The following HMCN1 variants were observed in gnomAD, a reference collection of about 807,000 sequenced individuals.
HMCN1 encodes hemicentin 1, also known as hemicentin-1.
A neutral mutation model predicts 625.9 loss-of-function variants in HMCN1; 321 were observed. The observed-to-expected ratio is 0.51, with a 90% CI of 0.47 to 0.56. The LOEUF (loss-of-function observed/expected upper bound fraction) is 0.56. Among genes scored for constraint, HMCN1 ranks in the 20% least tolerant of loss-of-function variants. The pLI, the probability that HMCN1 is intolerant of heterozygous loss-of-function variation, is 0.00. For synonymous variants in HMCN1, 2,425 were observed against 2,417.6 expected (o/e 1.00, Z -0.09); for missense variants, 6,588 against 6,887.3 (o/e 0.96, Z 1.54).
chr1:185,734,683 T>G lies in HMCN1; in HGVS notation c.-97T>G. On this transcript the variant is annotated 5_prime_UTR_variant, in exon 1 of 107. It removes an upstream start codon present in the reference 5' UTR. Coordinates refer to ENST00000271588, the MANE Select transcript of HMCN1 (RefSeq NM_031935.3). ...TAGTTCAGAGATTCCAAGAGTCTGA[T>G]GAGTTACTCTGAGAGGAAACCCTCT... The G allele has an allele frequency of 2.5e-6, 3 of 1,207,354 alleles. No homozygotes were observed. Among genetic ancestry groups the G allele is most frequent in the Non-Finnish European group, 3.7e-6 (3 of 819,580 alleles). The allele number at this position is 1,207,354 out of a possible 1,614,324, so 74.8% of individuals were successfully genotyped here.
chr1:185,890,466 C>G (rs1336841935), intron 4 of HMCN1, among the ~76,000 whole-genome samples: 5 of 145,602 alleles, frequency 3.4e-5, no homozygotes, highest in Non-Finnish European at 5.9e-5. Context: ...AAATTTCCCT[C>G]TACACACTGC....
intron 68 of HMCN1, among the ~76,000 whole-genome samples, chr1:186,101,112 CT>C (rs1660363787): frequency 6.6e-6 from 1 of 151,764 alleles, no homozygotes; most frequent in African/African-American, 2.4e-5. Context: ...AAATTTGAGT[CT>C]GTTAATCAGA....
chr1:186,005,700 G>A (rs183034695), intron 29 of HMCN1, among the ~76,000 whole-genome samples: 133 of 152,000 alleles, frequency 8.8e-4, no homozygotes, highest in African/African-American at 3.1e-3. Flanking sequence ...CTCACATTAG[G>A]GGCCACAGAC....
At chr1:185,899,396 A>G (rs936290822) in intron 4 of HMCN1, among the ~76,000 whole-genome samples, 2 of 152,182 alleles carry the variant, frequency 1.3e-5, no homozygotes, top group Admixed American at 6.6e-5. Context: ...AAAAAATGCC[A>G]TAGACTCTTG....
intron 54 of HMCN1, among the ~76,000 whole-genome samples, chr1:186,077,000 CATAA>C (rs778128551): frequency 2.0e-5 from 3 of 152,026 alleles, no homozygotes; most frequent in Non-Finnish European, 2.9e-5. Flanking sequence ...ATGCACTTAT[CATAA>C]ATAAATAGGG....
intron 4 of HMCN1, among the ~76,000 whole-genome samples, chr1:185,902,991 C>G (rs1284991320): frequency 6.7e-6 from 1 of 148,920 alleles, no homozygotes; most frequent in African/African-American, 2.5e-5. Context: ...CCCAAGCAAA[C>G]AAAAAAAAGA....
At position 185,868,280 on chromosome 1, in the gene HMCN1, T is replaced by C. The variant is rs1207671594; in HGVS notation, c.621+2417T>C. ...TGCCTTAAATGGAGAAACTAAGCCC[T>C]ATAGAGAAACTATAAGCCCTAGAGC... On this transcript the variant is annotated intron_variant, in intron 4 of 106. Transcript: ENST00000271588. 2.6e-5 allele frequency among the ~76,000 whole-genome samples: 4 copies of C among 152,142 alleles called. No individual in the cohort carries two copies. In the East Asian group the frequency reaches 7.7e-4, roughly 29 times the overall value.
chr1:185,809,632 C>A (rs545620481), intron 1 of HMCN1, among the ~76,000 whole-genome samples: 31 of 151,848 alleles, frequency 2.0e-4, no homozygotes, highest in African/African-American at 7.5e-4. Context: ...CAGTGGCACT[C>A]CTGGAAATAA....
intron 1 of HMCN1, among the ~76,000 whole-genome samples, chr1:185,836,726 A>C (rs2102300307): frequency 1.3e-5 from 2 of 152,100 alleles, no homozygotes; most frequent in Admixed American, 6.5e-5. Context: ...TTATTTCATC[A>C]CCCGGGTGAT....
chr1:185,734,541 A>C lies in HMCN1; in HGVS notation c.-239A>C. On this transcript the variant is annotated 5_prime_UTR_variant, in exon 1 of 107. Coordinates refer to ENST00000271588, the MANE Select transcript of HMCN1 (RefSeq NM_031935.3). The stretch of plus-strand genomic sequence containing the variant: ...TGTCCAGGGCCCGCGGGCAGATAGC[A>C]GTCCAGGAGGAAGCCGCATCCAGAC... 1.9e-6 allele frequency: 1 copy of C among 522,988 alleles called. No homozygotes were observed. The highest frequency in any genetic ancestry group is 3.4e-6 in the Non-Finnish European group (1 of 291,726). 32.4% of individuals were successfully genotyped at this position (522,988 alleles called of 1,614,324 possible). A position where few individuals can be genotyped will look rare whatever the true frequency, so the allele number is the denominator to read the frequency against.
intron 103 of HMCN1, chr1:186,177,170 G>A (rs1262959323): frequency 6.6e-6 from 1 of 152,388 alleles, no homozygotes; most frequent in East Asian, 1.9e-4. Context: ...GCTGGGCGTG[G>A]TGGCACACAC....
At chr1:186,163,793 G>T (rs1413763238) in intron 97 of HMCN1, among the ~76,000 whole-genome samples, 2 of 152,102 alleles carry the variant, frequency 1.3e-5, no homozygotes, top group Admixed American at 1.3e-4. Flanking sequence ...TGGCAATATT[G>T]TAAAACCTGC....
At position 186,130,018 on chromosome 1, in the gene HMCN1, A is replaced by G. The variant is rs1386052879; in HGVS notation, c.12957A>G (p.Ser4319=). The change falls in exon 84 of 107, where the codon TCA becomes TCG. Residue 4319 remains serine (S), a synonymous_variant. Coordinates refer to ENST00000271588, the MANE Select transcript of HMCN1 (RefSeq NM_031935.3). ...GTGAACTTGTTATTGAAAGAGTGTC[A>G]AAAGAGGATTCAGGTACTTATGTGT... The part of the protein sequence containing the change: ...GHSELVIERV[S]KEDSGTYVCT... 6 of 1,613,254 alleles carry G rather than the reference A, an allele frequency of 3.7e-6. No homozygotes were observed. The highest frequency in any genetic ancestry group is 3.3e-5 in the Admixed American group (2 of 59,934).
intron 1 of HMCN1, among the ~76,000 whole-genome samples, chr1:185,804,144 A>G (rs1215231804): frequency 1.3e-5 from 2 of 152,086 alleles, no homozygotes; most frequent in Admixed American, 6.6e-5. Flanking sequence ...TGAAATGGCT[A>G]AAGAGGGCAT....
chr1:186,079,236 C>T (rs1380293814), intron 55 of HMCN1, among the ~76,000 whole-genome samples: 1 of 152,196 alleles, frequency 6.6e-6, no homozygotes, highest in Non-Finnish European at 1.5e-5. Context: ...GGCTCCCGTG[C>T]ATAGCTCTAT....
intron 4 of HMCN1, among the ~76,000 whole-genome samples, chr1:185,870,056 G>T (rs1663515737): frequency 6.7e-6 from 1 of 148,306 alleles, no homozygotes; most frequent in Admixed American, 6.7e-5. Flanking sequence ...CAATGATTAA[G>T]TAGAAGATCT....
chr1:185,975,082 G>A (rs986323094), intron 15 of HMCN1, among the ~76,000 whole-genome samples: 4 of 152,052 alleles, frequency 2.6e-5, no homozygotes, highest in Admixed American at 2.0e-4. Context: ...GTCCATCACC[G>A]CATTTACCTG....
At chr1:186,086,778 A>G (rs1259316149) in intron 58 of HMCN1, among the ~76,000 whole-genome samples, 5 of 121,998 alleles carry the variant, frequency 4.1e-5, no homozygotes, top group South Asian at 2.7e-4. Context: ...AGATAGGTAG[A>G]TAGATAGATA....
intron 1 of HMCN1, among the ~76,000 whole-genome samples, chr1:185,787,163 G>C (rs1404586984): frequency 6.6e-6 from 1 of 151,914 alleles, no homozygotes; most frequent in Non-Finnish European, 1.5e-5. Context: ...GTGTGTGTGT[G>C]TGTGTGTGTG....
Sources: allele counts gnomAD v4.1 joint callset (sites outside exome capture counted in the v4.1 genomes callset), GRCh38; gene constraint gnomAD v4.1.1; transcripts MANE v1.5; gene names NCBI Gene and HGNC (gene_info 2026-07-23, HGNC 2026-07-21).